Variants in GEMIN8 observed in about 807,000 individuals in gnomAD.
GEMIN8 encodes gem nuclear organelle associated protein 8, also known as gem-associated protein 8.
For missense variants in GEMIN8, 185 were observed against 205.9 expected (o/e 0.90, Z 0.62); for synonymous variants, 80 against 78.5 (o/e 1.02, Z -0.10).
In GEMIN8 at chrX:14,026,237, T is replaced by C. The variant is rs1415711348; in HGVS notation, c.-115-16A>G. On this transcript the variant is annotated splice_polypyrimidine_tract_variant and intron_variant, in intron 1 of 4. Coordinates refer to ENST00000680255, the MANE Select transcript of GEMIN8 (RefSeq NM_001042479.2). ...GCTGGTGGAGCTGAAAGAAAAGAGATTGGCAATGTCAGGGAAGGCCGGGAT... is the reference window on the plus strand; with the variant it reads ...GCTGGTGGAGCTGAAAGAAAAGAGACTGGCAATGTCAGGGAAGGCCGGGAT... 8.0e-6 allele frequency: 6 copies of C among 748,688 alleles called. No homozygotes were observed. The highest frequency in any genetic ancestry group is 9.4e-6 in the Non-Finnish European group (6 of 635,308). The allele number at this position is 748,688 out of a possible 1,213,427, so 61.7% of individuals were successfully genotyped here. A position where few individuals can be genotyped will look rare whatever the true frequency, so the allele number is the denominator to read the frequency against.
At chrX:14,022,004 T>TATGTATGTATACAC (rs1350782434) in intron 2 of GEMIN8, among the ~76,000 whole-genome samples, 2 of 99,965 alleles carry the variant, frequency 2.0e-5, no homozygotes, top group Non-Finnish European at 4.1e-5. Context: ...TATACACATA[T>TATGTATGTATACAC]ATGTATGTAT....
At chrX:14,009,790 C>T (rs913636278) in intron 4 of GEMIN8, among the ~76,000 whole-genome samples, 1 of 111,609 alleles carries the variant, frequency 9.0e-6, no homozygotes, top group Non-Finnish European at 1.9e-5. Context: ...TCCAGTGTTG[C>T]GAGCAGTGCT....
chrX:14,002,490 G>T (rs1051118382), downstream of GEMIN8, among the ~76,000 whole-genome samples: 7 of 110,925 alleles, frequency 6.3e-5, no homozygotes, highest in Admixed American at 9.7e-5. Flanking sequence ...ATTTTATTTA[G>T]TTATTTATTT....
intron 4 of GEMIN8, among the ~76,000 whole-genome samples, chrX:14,019,313 G>A (rs1187509489): frequency 8.9e-6 from 1 of 112,347 alleles, no homozygotes; most frequent in Non-Finnish European, 1.9e-5. Context: ...TTTAATAGGA[G>A]AGCACAAAAG....
intron 2 of GEMIN8, among the ~76,000 whole-genome samples, chrX:14,022,503 C>G (rs1439951415): frequency 8.9e-6 from 1 of 111,823 alleles, no homozygotes; most frequent in Non-Finnish European, 1.9e-5. Flanking sequence ...CCTTTTCTCT[C>G]TACCCACCTG....
rs1270960059 is a variant in GEMIN8, at chrX:14,007,660, T to C, written c.*1253A>G. ...CTCCTGCCTCAGCCTCCCAAGTAGC[T>C]GGGACTACAGGTGCCCGCCACCACG... On this transcript the variant is annotated 3_prime_UTR_variant, in exon 5 of 5. Coordinates refer to ENST00000680255, the MANE Select transcript of GEMIN8 (RefSeq NM_001042479.2). Among the ~76,000 whole-genome samples the C allele has an allele frequency of 9.1e-6, 1 of 109,546 alleles. No individual in the cohort carries two copies. Among genetic ancestry groups the C allele is most frequent in the Non-Finnish European group, 1.9e-5 (1 of 52,578 alleles).
intron 4 of GEMIN8, among the ~76,000 whole-genome samples, chrX:14,015,220 A>C (rs1038310697): frequency 2.7e-5 from 3 of 111,936 alleles, no homozygotes; most frequent in Non-Finnish European, 5.6e-5. Flanking sequence ...TTTCCCTCTA[A>C]GTATTAGCAA....
chrX:14,005,170 A>AT (rs1923101148), downstream of GEMIN8, among the ~76,000 whole-genome samples: 1 of 110,437 alleles, frequency 9.1e-6, no homozygotes, highest in Non-Finnish European at 1.9e-5. Flanking sequence ...TTCCTGGGTG[A>AT]TGGGAGTCTT....
intron 4 of GEMIN8, among the ~76,000 whole-genome samples, chrX:14,016,578 G>C (rs1923913409): frequency 1.8e-5 from 2 of 109,428 alleles, no homozygotes; most frequent in South Asian, 7.9e-4. Flanking sequence ...GGGCGCGGTA[G>C]CTCATGCCTA....
chrX:13,992,115 T>C, the GEMIN8 span, among the ~76,000 whole-genome samples: 54 of 112,436 alleles, frequency 4.8e-4, no homozygotes, highest in African/African-American at 1.3e-3. Context: ...CTTTATTCTC[T>C]GGCAGTTTTT....
At chrX:14,002,097 C>CAAAA (rs59550732), downstream of GEMIN8, among the ~76,000 whole-genome samples, 232 of 23,589 alleles carry the variant, frequency 9.8e-3, 13 homozygotes, top group African/African-American at 0.023. Context: ...TGCACTCCAG[C>CAAAA]AAAAAAAAAA....
At chrX:13,989,270 T>C in the GEMIN8 span, among the ~76,000 whole-genome samples, 5 of 102,679 alleles carry the variant, frequency 4.9e-5, no homozygotes, top group Admixed American at 1.1e-4. Context: ...TAAATTTAAA[T>C]TTTTTTTTTT....
downstream of GEMIN8, among the ~76,000 whole-genome samples, chrX:14,002,097 CAAAAAAA>C (rs59550732): frequency 4.2e-4 from 10 of 23,632 alleles, no homozygotes; most frequent in East Asian, 1.2e-3. Flanking sequence ...TGCACTCCAG[CAAAAAAA>C]AAAAAAAAAA....
the GEMIN8 span, among the ~76,000 whole-genome samples, chrX:13,986,438 T>C: frequency 5.3e-5 from 6 of 112,513 alleles, no homozygotes; most frequent in Non-Finnish European, 7.5e-5. Context: ...AGCTGGTGTG[T>C]GGCTGCTGTG....
chrX:14,006,043 CT>C (rs63451962), downstream of GEMIN8, among the ~76,000 whole-genome samples: 29,106 of 97,233 alleles, frequency 0.3, 3,553 homozygotes, highest in African/African-American at 0.33. Context: ...GCTAGGGACA[CT>C]TTTTTTTTTT....
At position 14,026,143 on chromosome X, in the gene GEMIN8, C is replaced by T; in HGVS notation, c.-37G>A. 1 of 748,012 alleles carries T rather than the reference C, an allele frequency of 1.3e-6. No homozygotes were observed. The highest frequency in any genetic ancestry group is 1.6e-6 in the Non-Finnish European group (1 of 633,051). 61.6% of individuals were successfully genotyped at this position (748,012 alleles called of 1,213,427 possible). A position where few individuals can be genotyped will look rare whatever the true frequency, so the allele number is the denominator to read the frequency against. On this transcript the variant is annotated 5_prime_UTR_variant, in exon 2 of 5. Transcript: ENST00000680255. ...AATTCGATCTTTCATTCCTCACCTC[C>T]CTGGGAATGTCTCCCACTCTTTTAT...
intron 1 of GEMIN8, chrX:14,029,439 T>C: frequency 8.9e-6 from 1 of 111,899 alleles, no homozygotes; most frequent in African/African-American, 3.3e-5. Context: ...TGGGCAGCTT[T>C]AAAAACTACC....
At chrX:14,009,931 T>C (rs929130586) in intron 4 of GEMIN8, among the ~76,000 whole-genome samples, 2 of 112,253 alleles carry the variant, frequency 1.8e-5, no homozygotes, top group African/African-American at 6.5e-5. Context: ...TTGATTATCC[T>C]TCCACAGATT....
chrX:14,016,861 AAAAAAAT>A (rs1485319360), intron 4 of GEMIN8, among the ~76,000 whole-genome samples: 4 of 77,986 alleles, frequency 5.1e-5, no homozygotes, highest in African/African-American at 1.7e-4. Flanking sequence ...AAAAAAAAAA[AAAAAAAT>A]ATATATATAT....
Sources: gnomAD v4.1 joint callset for allele counts (sites outside exome capture counted in the v4.1 genomes callset) on GRCh38, gnomAD v4.1.1 for gene constraint, MANE v1.5 for transcripts, NCBI Gene and HGNC (gene_info 2026-07-23, HGNC 2026-07-21) for gene names.